The following MRPL1 variants were observed in gnomAD, a reference collection of about 807,000 sequenced individuals.
MRPL1 encodes the protein large ribosomal subunit protein uL1m.
Under a neutral mutation model 38.0 loss-of-function variants are expected in MRPL1, and 28 were observed. That is an observed-to-expected ratio of 0.74 (90% CI 0.55 to 1.01). The LOEUF is 1.01. Ranked by LOEUF, MRPL1 falls within the 50% of genes least tolerant of loss-of-function variation. The pLI, the probability that MRPL1 is intolerant of heterozygous loss-of-function variation, is 0.00. For missense variants in MRPL1, 358 were observed against 389.8 expected (o/e 0.92, Z 0.69); for synonymous variants, 123 against 126.7 (o/e 0.97, Z 0.20).
At chr4:77,908,804 A>G (rs1290412158) in intron 6 of MRPL1, among the ~76,000 whole-genome samples, 1 of 152,162 alleles carries the variant, frequency 6.6e-6, no homozygotes, top group Non-Finnish European at 1.5e-5. Context: ...AGGTGGTTTC[A>G]TCTTAGACTC....
chr4:77,901,518 T>A (rs1415313675), intron 6 of MRPL1, among the ~76,000 whole-genome samples: 1 of 150,276 alleles, frequency 6.7e-6, no homozygotes, highest in African/African-American at 2.4e-5. Context: ...CACGTTATAG[T>A]CAAACACAAA....
intron 1 of MRPL1, among the ~76,000 whole-genome samples, chr4:77,866,249 G>T (rs1397140520): frequency 6.6e-6 from 1 of 152,026 alleles, no homozygotes; most frequent in African/African-American, 2.4e-5. Flanking sequence ...ACGAGGTTTT[G>T]CCCTGTTGAC....
At position 77,909,310 on chromosome 4, in the gene MRPL1, A is replaced by T. The variant is rs758072038; in HGVS notation, c.715A>T (p.Asn239Tyr). The part of the protein sequence containing the change: ...DIPKMLELFK[N>Y]GHEIKVDEER... ...CCCCAAAATGCTTGAATTATTTAAA[A>T]ATGGACATGAAATTAAGGTAGATGA... The change falls in exon 7 of 9, where the codon AAT becomes TAT. Residue 239 changes from asparagine to tyrosine, a missense_variant. Physicochemically the swap from Asn to Tyr is moderately radical, Grantham distance 143. Coordinates refer to ENST00000315567, the MANE Select transcript of MRPL1 (RefSeq NM_020236.4). 2 of 1,612,214 alleles carry T rather than the reference A, an allele frequency of 1.2e-6. No individual in the cohort carries two copies. Among genetic ancestry groups the T allele is most frequent in the South Asian group, 2.2e-5 (2 of 90,426 alleles).
intron 1 of MRPL1, among the ~76,000 whole-genome samples, chr4:77,867,863 TCTC>T (rs1735185364): frequency 6.6e-6 from 1 of 151,184 alleles, no homozygotes. Context: ...TTCACGCCGT[TCTC>T]CTGCTTCAGC....
intron 2 of MRPL1, among the ~76,000 whole-genome samples, chr4:77,881,165 C>A (rs1735529639): frequency 6.6e-6 from 1 of 152,144 alleles, no homozygotes; most frequent in African/African-American, 2.4e-5. Context: ...GAAATATACT[C>A]CTCTTTAGTG....
intron 7 of MRPL1, among the ~76,000 whole-genome samples, chr4:77,914,019 G>A (rs1423594305): frequency 6.6e-6 from 1 of 152,182 alleles, no homozygotes; most frequent in Non-Finnish European, 1.5e-5. Flanking sequence ...TTTTGGAAGT[G>A]ATTGTTATGT....
At chr4:77,864,614 C>T (rs1451198034) in intron 1 of MRPL1, 1 of 152,184 alleles carries the variant, frequency 6.6e-6, no homozygotes, top group African/African-American at 2.4e-5. Flanking sequence ...ACGTTTTCCT[C>T]ATCTCCTCAA....
intron 8 of MRPL1, among the ~76,000 whole-genome samples, chr4:77,952,216 T>C (rs1236443691): frequency 6.6e-6 from 1 of 152,220 alleles, no homozygotes; most frequent in East Asian, 1.9e-4. Context: ...CTTAAATGTA[T>C]TTATAGTTCA....
At chr4:77,873,165 T>C (rs186357920) in intron 2 of MRPL1, among the ~76,000 whole-genome samples, 1 of 152,362 alleles carries the variant, frequency 6.6e-6, no homozygotes, top group Admixed American at 6.5e-5. Flanking sequence ...GAATGCTTCC[T>C]TTGTGCTAGG....
intron 2 of MRPL1, 90 bp from the exon 3 acceptor site, chr4:77,883,151 GT>G (rs970944199): frequency 5.3e-5 from 41 of 780,854 alleles, no homozygotes; most frequent in African/African-American, 1.9e-4. Context: ...TTCATCCTTT[GT>G]TTTTTTTTCT....
intron 5 of MRPL1, among the ~76,000 whole-genome samples, chr4:77,891,128 A>T (rs1735795692): frequency 2.0e-5 from 3 of 152,144 alleles, no homozygotes; most frequent in Admixed American, 2.0e-4. Flanking sequence ...AGTGGGACTC[A>T]GTTCTTTCTG....
chr4:77,914,940 C>T (rs1472734797), intron 7 of MRPL1, among the ~76,000 whole-genome samples: 3 of 152,100 alleles, frequency 2.0e-5, no homozygotes, highest in African/African-American at 7.2e-5. Context: ...TAACAATGGT[C>T]TTTACAGTTT....
chr4:77,895,059 AGATT>A (rs1417195064), intron 6 of MRPL1, among the ~76,000 whole-genome samples: 2 of 152,182 alleles, frequency 1.3e-5, no homozygotes, highest in African/African-American at 4.8e-5. Context: ...TTGGAAAGGT[AGATT>A]GATGCCGTAT....
rs997624090 is a variant in MRPL1 at position 77,917,353 on chromosome 4, C to G, written c.777+7981C>G. Among the ~76,000 whole-genome samples the G allele has an allele frequency of 2.6e-5, 4 of 152,200 alleles. 1 individual carries two copies. Among genetic ancestry groups the G allele is most frequent in the African/African-American group, 9.6e-5 (4 of 41,530 alleles). ...AAGTTGATTGTAAAATTGAAGTGTTCACAAACACTGAGATTGCCTGGCATT... is the reference window on the plus strand; with the variant it reads ...AAGTTGATTGTAAAATTGAAGTGTTGACAAACACTGAGATTGCCTGGCATT... On this transcript the variant is annotated intron_variant, in intron 7 of 8. Coordinates refer to ENST00000315567, the MANE Select transcript of MRPL1 (RefSeq NM_020236.4).
chr4:77,923,604 TCA>T (rs1313574350), intron 7 of MRPL1, among the ~76,000 whole-genome samples: 2 of 152,088 alleles, frequency 1.3e-5, no homozygotes, highest in Non-Finnish European at 2.9e-5. Context: ...AATTTTTGTA[TCA>T]TGACTCAATC....
Position 77,894,210 on chromosome 4 carries a change from A to G in MRPL1, c.630A>G (p.Leu210=), listed in dbSNP as rs759284023. ...AAATAATGCCTGAACTTAATCGATT[A>G]AGGAAGAAACTGAATAAAAAATATC... ...VPEIMPELNR[L]RKKLNKKYPK... Residue 210 remains leucine, a synonymous_variant, in exon 6 of 9, where the codon TTA becomes TTG. Transcript: ENST00000315567. 47 of 1,605,794 alleles carry G rather than the reference A, an allele frequency of 2.9e-5. No homozygotes were observed. In the East Asian group the frequency reaches 9.4e-4, roughly 32 times the overall value.
In MRPL1 at chr4:77,862,839, A is replaced by C; in HGVS notation, c.-10A>C. 6.2e-7 allele frequency: 1 copy of C among 1,614,048 alleles called. No individual in the cohort carries two copies. The highest frequency in any genetic ancestry group is 8.5e-7 in the Non-Finnish European group (1 of 1,179,996). ...GAACAATTTCGTGAACGCAATCCGG[A>C]GTGCCCAACATGGCGGCGGCCGTAA... On this transcript the variant is annotated 5_prime_UTR_variant, in exon 1 of 9. Coordinates refer to ENST00000315567, the MANE Select transcript of MRPL1 (RefSeq NM_020236.4).
At chr4:77,896,003 A>C (rs1735903735) in intron 6 of MRPL1, among the ~76,000 whole-genome samples, 1 of 152,174 alleles carries the variant, frequency 6.6e-6, no homozygotes. Context: ...ACAGTACTAA[A>C]TACAGTAAAA....
intron 2 of MRPL1, 139 bp downstream of exon 2, chr4:77,871,994 T>C (rs1735291074): frequency 3.2e-6 from 2 of 627,020 alleles, no homozygotes; most frequent in South Asian, 4.0e-5. Flanking sequence ...CTTATAGTCC[T>C]GAAGGAAAGA....
Sources: gnomAD v4.1 joint callset for allele counts (sites outside exome capture counted in the v4.1 genomes callset) on GRCh38, gnomAD v4.1.1 for gene constraint, MANE v1.5 for transcripts, NCBI Gene and HGNC (gene_info 2026-07-23, HGNC 2026-07-21) for gene names.